Variants in IGF2R observed in about 807,000 individuals in gnomAD.
The protein encoded by IGF2R is cation-independent mannose-6-phosphate receptor.
Under a neutral mutation model 270.6 loss-of-function variants are expected in IGF2R, and 91 were observed. The observed-to-expected ratio is 0.34, with a 90% CI of 0.28 to 0.40. IGF2R has a LOEUF of 0.40. Ranked by LOEUF, IGF2R falls within the 10% of genes least tolerant of loss-of-function variation. The pLI is 1.00. For missense variants in IGF2R, 2,805 were observed against 3,188.3 expected (o/e 0.88, Z 2.90); for synonymous variants, 1,316 against 1,258.9 (o/e 1.05, Z -0.96).
intron 1 of IGF2R, among the ~76,000 whole-genome samples, chr6:159,980,239 G>GAAAGAAAGAAAGAAA (rs1562330724): frequency 6.9e-6 from 1 of 145,872 alleles, no homozygotes; most frequent in Non-Finnish European, 1.5e-5. Flanking sequence ...AAGAAAGAAA[G>GAAAGAAAGAAAGAAA]GTACATGGAA....
intron 2 of IGF2R, among the ~76,000 whole-genome samples, chr6:159,999,297 C>G (rs1784094298): frequency 6.6e-6 from 1 of 152,202 alleles, no homozygotes; most frequent in Admixed American, 6.5e-5. Flanking sequence ...AGTAGATAAA[C>G]TGGAAATCTT....
rs763173606 is a variant in IGF2R, at chr6:160,064,467, C to A, written c.3953C>A (p.Thr1318Asn). The change falls in exon 28 of 48, where the codon ACT becomes AAT. Residue 1318 changes from threonine to asparagine, a missense_variant. Thr to Asn is a moderately conservative substitution (Grantham distance 65). Transcript: ENST00000356956. ...LLKMNFTGGD[T>N]CHKVYQRSTA... ...AAAATGAACTTCACGGGGGGGGACA[C>A]TTGCCATAAGGTTTATCAGCGCTCC... The A allele has an allele frequency of 1.2e-6, 2 of 1,614,084 alleles. No individual in the cohort carries two copies. The highest frequency in any genetic ancestry group is 1.7e-6 in the Non-Finnish European group (2 of 1,179,978).
rs1468399867 is a variant in IGF2R at position 160,107,624 on chromosome 6, A to G, written c.*2540A>G. 1.3e-5 allele frequency: 2 copies of G among 152,202 alleles called. No individual in the cohort carries two copies. The highest frequency in any genetic ancestry group is 4.8e-5 in the African/African-American group (2 of 41,446). 9.4% of individuals were successfully genotyped at this position (152,202 alleles called of 1,614,324 possible). The stretch of plus-strand genomic sequence containing the variant: ...TTGTGCCCCTTTCTTGAGACTGTCC[A>G]TGAATGACAGAGACATAGAATAAGA... On this transcript the variant is annotated 3_prime_UTR_variant, in exon 48 of 48. Coordinates refer to ENST00000356956, the MANE Select transcript of IGF2R (RefSeq NM_000876.4).
intron 1 of IGF2R, among the ~76,000 whole-genome samples, chr6:159,985,550 A>G (rs1783868825): frequency 6.6e-6 from 1 of 152,232 alleles, no homozygotes; most frequent in Non-Finnish European, 1.5e-5. Flanking sequence ...TTCTCAAGCC[A>G]TCAGTAGAGA....
chr6:160,000,548 A>C (rs1375332204), intron 2 of IGF2R, among the ~76,000 whole-genome samples: 3 of 152,104 alleles, frequency 2.0e-5, no homozygotes, highest in African/African-American at 7.2e-5. Context: ...CACCAGGTAT[A>C]AATGCAAATC....
chr6:160,082,255 T>C (rs1322868082), intron 39 of IGF2R, among the ~76,000 whole-genome samples: 1 of 152,234 alleles, frequency 6.6e-6, no homozygotes, highest in African/African-American at 2.4e-5. Flanking sequence ...TTATTCCCTA[T>C]TTTCTGAATC....
chr6:160,039,150 C>T (rs1777887546), intron 10 of IGF2R, among the ~76,000 whole-genome samples: 1 of 152,158 alleles, frequency 6.6e-6, no homozygotes, highest in Admixed American at 6.5e-5. Flanking sequence ...GTGTACTTAA[C>T]ACACACCTAG....
At chr6:160,065,359 G>A (rs962427662) in intron 29 of IGF2R, among the ~76,000 whole-genome samples, 14 of 152,162 alleles carry the variant, frequency 9.2e-5, no homozygotes, top group South Asian at 2.1e-4. Flanking sequence ...GTGTTCTGCC[G>A]TGTGAAACAC....
chr6:160,056,602 G>C, intron 20 of IGF2R, 77 bp downstream of exon 20: 1 of 934,590 alleles, frequency 1.1e-6, no homozygotes, highest in Non-Finnish European at 1.8e-6. Flanking sequence ...TTCCAGCTCT[G>C]AACCGACCCC....
chr6:159,975,682 A>ATT (rs144075651), intron 1 of IGF2R, among the ~76,000 whole-genome samples: 2,830 of 129,124 alleles, frequency 0.022, 92 homozygotes, highest in African/African-American at 0.074. Context: ...TATTATATAT[A>ATT]TTTATATATA....
At chr6:160,034,380 C>A in intron 9 of IGF2R, 39 bp from the exon 10 acceptor site, 1 of 1,336,356 alleles carries the variant, frequency 7.5e-7, no homozygotes, top group Non-Finnish European at 1.1e-6. Flanking sequence ...TTTCTTGGTT[C>A]TCCCAAACAC....
chr6:160,078,703 G>T (rs566815826), intron 37 of IGF2R, among the ~76,000 whole-genome samples: 1 of 152,334 alleles, frequency 6.6e-6, no homozygotes, highest in East Asian at 1.9e-4. Context: ...TATCCATGGG[G>T]ACAGGGCCAG....
intron 2 of IGF2R, among the ~76,000 whole-genome samples, chr6:160,000,631 G>C (rs111354217): frequency 6.6e-6 from 1 of 151,940 alleles, no homozygotes; most frequent in African/African-American, 2.4e-5. Context: ...TAGAGTGCTG[G>C]CAAGGAGCCT....
chr6:160,073,701 A>T, intron 34 of IGF2R, 56 bp from the exon 35 acceptor site: 1 of 1,404,180 alleles, frequency 7.1e-7, no homozygotes, highest in Non-Finnish European at 1.0e-6. Flanking sequence ...TGGATGACCT[A>T]GTGGTGATTA....
chr6:159,983,981 TG>T (rs1412631903), intron 1 of IGF2R, among the ~76,000 whole-genome samples: 1 of 152,162 alleles, frequency 6.6e-6, no homozygotes, highest in African/African-American at 2.4e-5. Context: ...AGAACTGGAC[TG>T]GGAGTATAGA....
At chr6:160,001,369 T>C (rs1454420080) in intron 2 of IGF2R, among the ~76,000 whole-genome samples, 1 of 152,122 alleles carries the variant, frequency 6.6e-6, no homozygotes, top group Non-Finnish European at 1.5e-5. Flanking sequence ...GATGGGACCA[T>C]CTAGTTGCAT....
chr6:160,005,269 A>G lies in IGF2R; in HGVS notation c.290-3741A>G, dbSNP rs561285112. 3 of 152,660 alleles carry G rather than the reference A, an allele frequency of 2.0e-5. No homozygotes were observed. The South Asian group carries it at 6.2e-4, about 32-fold the overall frequency. The allele number at this position is 152,660 out of a possible 1,614,324, so 9.5% of individuals were successfully genotyped here. A position where few individuals can be genotyped will look rare whatever the true frequency, so the allele number is the denominator to read the frequency against. On this transcript the variant is annotated intron_variant, in intron 2 of 47. Coordinates refer to ENST00000356956, the MANE Select transcript of IGF2R (RefSeq NM_000876.4). ...AGGGGTTCCGGCGGGCAGCCGCGTG[A>G]ACCTGGAGCTTGGGGTCTGCAGTGC...
chr6:160,059,174 G>A (rs1274567025), intron 22 of IGF2R, 76 bp downstream of exon 22: 12 of 1,220,838 alleles, frequency 9.8e-6, no homozygotes, highest in African/African-American at 3.0e-5. Context: ...ACCTTCCTGA[G>A]TGTAGGATGT....
intron 44 of IGF2R, chr6:160,094,993 C>T (rs946578268): frequency 9.2e-5 from 14 of 151,710 alleles, no homozygotes; most frequent in African/African-American, 2.9e-4. Context: ...TCATCCTCTG[C>T]ACTCTTCTCT....
Sources: gnomAD v4.1 joint callset for allele counts (sites outside exome capture counted in the v4.1 genomes callset) on GRCh38, gnomAD v4.1.1 for gene constraint, MANE v1.5 for transcripts, NCBI Gene and HGNC (gene_info 2026-07-23, HGNC 2026-07-21) for gene names.